RPS24: variants seen among roughly 807,000 people sequenced by gnomAD.
The protein encoded by RPS24 is ribosomal protein S24.
For synonymous variants in RPS24, 72 were observed against 55.6 expected, an observed-to-expected ratio of 1.30 and a Z score of -1.31; for missense variants, 100 against 162.5, an observed-to-expected ratio of 0.62 and a Z score of 2.09.
At chr10:78,043,509 C>CAT (rs1848009013), downstream of RPS24, among the ~76,000 whole-genome samples, 1 of 152,196 alleles carries the variant, frequency 6.6e-6, no homozygotes, top group Admixed American at 6.5e-5. Flanking sequence ...ATATAAAACT[C>CAT]ATGACTGCCA....
At chr10:78,037,380 T>G in intron 4 of RPS24, 76 bp downstream of exon 4, 1 of 1,510,830 alleles carries the variant, frequency 6.6e-7, no homozygotes, top group Non-Finnish European at 8.8e-7. Context: ...GGGATCTTAT[T>G]AATTTTTAAA....
chr10:78,035,312 G>C, intron 1 of RPS24, 40 bp from the exon 2 acceptor site: 1 of 1,592,326 alleles, frequency 6.3e-7, no homozygotes, highest in Non-Finnish European at 8.6e-7. Flanking sequence ...GCCAAGAAAA[G>C]TTGGAGTAGT....
At chr10:78,045,792 G>A (rs1380106962) in intron 4 of RPS24, among the ~76,000 whole-genome samples, 7 of 151,658 alleles carry the variant, frequency 4.6e-5, no homozygotes, top group African/African-American at 1.2e-4. Context: ...ATCACTTGAC[G>A]TCAGGAGTTC....
chr10:78,053,344 G>T (rs1848118970), intron 4 of RPS24, among the ~76,000 whole-genome samples: 1 of 152,078 alleles, frequency 6.6e-6, no homozygotes, highest in Non-Finnish European at 1.5e-5. Context: ...GAGTCCTGGG[G>T]GGGTTTTAGG....
chr10:78,050,787 C>CT (rs991880413), intron 4 of RPS24, among the ~76,000 whole-genome samples: 2 of 151,232 alleles, frequency 1.3e-5, no homozygotes, highest in African/African-American at 2.4e-5. Context: ...CTTTTTTTTT[C>CT]TTTTTTTTTA....
chr10:78,039,998 C>T, intron 4 of RPS24: 1 of 659,278 alleles, frequency 1.5e-6, no homozygotes, highest in Non-Finnish European at 2.8e-6. Context: ...AGTAATCAGG[C>T]AAGGCATTGT....
At chr10:78,043,720 CTG>C (rs565776641), downstream of RPS24, among the ~76,000 whole-genome samples, 86 of 152,336 alleles carry the variant, frequency 5.6e-4, no homozygotes, top group African/African-American at 2.0e-3. Flanking sequence ...TAGTGTATGA[CTG>C]TGACGTGATA....
At chr10:78,044,514 A>G (rs1848021719), downstream of RPS24, among the ~76,000 whole-genome samples, 1 of 152,266 alleles carries the variant, frequency 6.6e-6, no homozygotes, top group South Asian at 2.1e-4. Flanking sequence ...CTGCTAGAGC[A>G]CAGAAGTATG....
chr10:78,050,786 TC>T (rs1344102126), intron 4 of RPS24, among the ~76,000 whole-genome samples: 14 of 152,276 alleles, frequency 9.2e-5, no homozygotes, highest in Admixed American at 9.2e-4. Context: ...ACTTTTTTTT[TC>T]TTTTTTTTTA....
intron 4 of RPS24, 122 bp from the exon 5 acceptor site, chr10:78,040,082 A>T (rs1847960223): frequency 1.2e-5 from 11 of 883,972 alleles, no homozygotes; most frequent in South Asian, 5.4e-5. Flanking sequence ...CAAAATGGTC[A>T]TCTTTAAGGT....
chr10:78,048,003 G>A (rs1406010226), intron 4 of RPS24, among the ~76,000 whole-genome samples: 1 of 152,238 alleles, frequency 6.6e-6, no homozygotes, highest in African/African-American at 2.4e-5. Context: ...ACTGTAGGAT[G>A]AGAGAGTGGT....
At chr10:78,039,511 A>G (rs1465650336) in intron 4 of RPS24, 2 of 152,610 alleles carry the variant, frequency 1.3e-5, no homozygotes, top group Non-Finnish European at 2.9e-5. Flanking sequence ...CTCCAAAGAA[A>G]TGCCATAGCA....
chr10:78,041,130 T>C (rs1847981350), downstream of RPS24, among the ~76,000 whole-genome samples: 1 of 152,050 alleles, frequency 6.6e-6, no homozygotes, highest in Admixed American at 6.6e-5. Context: ...CACGTCTGGC[T>C]TAGAGTCTAA....
chr10:78,054,787 T>G, exon 5 of RPS24: 1 of 1,551,618 alleles, frequency 6.4e-7, no homozygotes, highest in Non-Finnish European at 8.7e-7. Context: ...AGGGCACTGG[T>G]CAGAAACGGA....
chr10:78,040,923 T>G (rs1453426185), downstream of RPS24, among the ~76,000 whole-genome samples: 2 of 152,112 alleles, frequency 1.3e-5, no homozygotes, highest in African/African-American at 4.8e-5. Context: ...GTGGACGCAG[T>G]GTAGTGGCTC....
chr10:78,037,093 C>A, intron 3 of RPS24, 101 bp from the exon 4 acceptor site: 1 of 1,436,882 alleles, frequency 7.0e-7, no homozygotes, highest in Non-Finnish European at 9.5e-7. Flanking sequence ...GTTTAGAAAG[C>A]TGTGTTTCTT....
intron 4 of RPS24, chr10:78,049,067 A>G (rs1047407671): frequency 2.6e-5 from 4 of 152,032 alleles, no homozygotes; most frequent in Non-Finnish European, 5.9e-5. Context: ...TCTTCTGTTT[A>G]TGGATGAGGC....
rs748291655 is a variant in RPS24, at chr10:78,033,871, C to T, written c.-31C>T. The T allele has an allele frequency of 1.9e-5, 31 of 1,613,894 alleles. No individual in the cohort carries two copies. The highest frequency in any genetic ancestry group is 6.6e-5 in the South Asian group (6 of 91,088). ...GCCGGCGAATCGTGGTTCTCTTTTC[C>T]TCCTTGGCTGTCTGAAGATAGATCG... On this transcript the variant is annotated 5_prime_UTR_variant, in exon 1 of 6. Coordinates refer to ENST00000372360, the MANE Select transcript of RPS24 (RefSeq NM_033022.4).
At chr10:78,034,662 A>T (rs761233182) in intron 1 of RPS24, among the ~76,000 whole-genome samples, 3 of 152,208 alleles carry the variant, frequency 2.0e-5, no homozygotes, top group Non-Finnish European at 2.9e-5. Context: ...AAATTGCTTA[A>T]TGCCCACATT....
Sources: gnomAD v4.1 joint callset for allele counts (sites outside exome capture counted in the v4.1 genomes callset) on GRCh38, gnomAD v4.1.1 for gene constraint, MANE v1.5 for transcripts, NCBI Gene and HGNC (gene_info 2026-07-23, HGNC 2026-07-21) for gene names.